Variants in ARHGAP26 observed in about 807,000 individuals in gnomAD.
The protein encoded by ARHGAP26 is rho GTPase-activating protein 26.
Under a neutral mutation model 104.8 loss-of-function variants are expected in ARHGAP26, and 38 were observed. The observed-to-expected ratio is 0.36, with a 90% CI of 0.28 to 0.48. The LOEUF is 0.48. Among genes scored for constraint, ARHGAP26 ranks in the 20% least tolerant of loss-of-function variants. The probability of loss-of-function intolerance (pLI) is 0.99; values close to 1 mark genes in which losing one functional copy is unlikely to be tolerated. For missense variants in ARHGAP26, 704 were observed against 947.9 expected, an observed-to-expected ratio of 0.74 and a Z score of 3.38; for synonymous variants, 341 against 340.0, an observed-to-expected ratio of 1.00 and a Z score of -0.03.
intron 11 of ARHGAP26, among the ~76,000 whole-genome samples, chr5:142,991,767 T>C (rs1775650964): frequency 6.6e-6 from 1 of 152,236 alleles, no homozygotes; most frequent in Admixed American, 6.5e-5. Flanking sequence ...AGTTGTGTAG[T>C]AGGCTATACC....
chr5:143,170,101 A>G (rs1425966558), intron 20 of ARHGAP26: 2 of 152,208 alleles, frequency 1.3e-5, no homozygotes, highest in African/African-American at 4.8e-5. Flanking sequence ...ATTACAGGTT[A>G]TTAGAGAACA....
chr5:142,958,387 C>T (rs1769600682), intron 11 of ARHGAP26, among the ~76,000 whole-genome samples: 1 of 152,190 alleles, frequency 6.6e-6, no homozygotes, highest in Non-Finnish European at 1.5e-5. Flanking sequence ...CAGATTCTGG[C>T]CAGGCATAGT....
chr5:143,013,967 C>A, intron 11 of ARHGAP26, 113 bp from the exon 12 acceptor site: 1 of 999,160 alleles, frequency 1.0e-6, no homozygotes, highest in Non-Finnish European at 1.5e-6. Flanking sequence ...CCAGAAATTA[C>A]CTTCCACTTC....
At chr5:142,888,103 G>GT (rs1469682645) in intron 5 of ARHGAP26, among the ~76,000 whole-genome samples, 1 of 152,194 alleles carries the variant, frequency 6.6e-6, no homozygotes, top group Non-Finnish European at 1.5e-5. Flanking sequence ...CCTGGGTATG[G>GT]TGTTAAGCAC....
chr5:142,983,573 A>G lies in ARHGAP26; in HGVS notation c.1108-30507A>G, dbSNP rs188465116. 3.4e-4 allele frequency among the ~76,000 whole-genome samples: 52 copies of G among 152,350 alleles called. No individual in the cohort carries two copies. In the East Asian group the frequency reaches 9.4e-3, roughly 28 times the overall value. Reference sequence around the variant, plus strand: ...GGAAAAATCCCAAAGTCTATAGAACATAGATATAAAGGTACAGAAAAGAGA... The same window carrying G: ...GGAAAAATCCCAAAGTCTATAGAACGTAGATATAAAGGTACAGAAAAGAGA... On this transcript the variant is annotated intron_variant, in intron 11 of 22. Transcript: ENST00000645722.
intron 1 of ARHGAP26, among the ~76,000 whole-genome samples, chr5:142,864,527 C>A (rs979277653): frequency 1.3e-5 from 2 of 152,022 alleles, no homozygotes; most frequent in African/African-American, 4.8e-5. Context: ...TGAAGAAAAC[C>A]CTTAGGAACT....
intron 17 of ARHGAP26, among the ~76,000 whole-genome samples, chr5:143,107,115 A>G (rs1314492767): frequency 6.6e-6 from 1 of 152,174 alleles, no homozygotes; most frequent in Non-Finnish European, 1.5e-5. Flanking sequence ...TCTTTATCCC[A>G]GTGCCCAGAA....
intron 17 of ARHGAP26, among the ~76,000 whole-genome samples, chr5:143,117,724 C>T (rs1361936674): frequency 6.6e-6 from 1 of 152,118 alleles, no homozygotes; most frequent in Non-Finnish European, 1.5e-5. Flanking sequence ...GCCTGCAAAT[C>T]AGAGTAATTA....
intron 20 of ARHGAP26, among the ~76,000 whole-genome samples, chr5:143,204,995 G>T (rs1045542832): frequency 6.6e-6 from 1 of 152,024 alleles, no homozygotes; most frequent in African/African-American, 2.4e-5. Flanking sequence ...CTAGGTCATT[G>T]TCTGGTGGGG....
At chr5:143,214,422 G>T (rs1471851954) in intron 22 of ARHGAP26, among the ~76,000 whole-genome samples, 1 of 152,126 alleles carries the variant, frequency 6.6e-6, no homozygotes, top group Non-Finnish European at 1.5e-5. Context: ...TGTTTAAAAT[G>T]GTACTCAACA....
chr5:142,933,574 C>T (rs1378317882), intron 11 of ARHGAP26, among the ~76,000 whole-genome samples: 1 of 152,162 alleles, frequency 6.6e-6, no homozygotes, highest in Non-Finnish European at 1.5e-5. Flanking sequence ...TTCTGCTATC[C>T]TCAGCCCATG....
intron 17 of ARHGAP26, among the ~76,000 whole-genome samples, chr5:143,090,459 G>A (rs1048023138): frequency 2.0e-5 from 3 of 151,466 alleles, no homozygotes; most frequent in African/African-American, 4.9e-5. Context: ...TATCTCAGTC[G>A]TGTCATTAGA....
At chr5:143,197,600 G>A (rs1807067807) in intron 20 of ARHGAP26, among the ~76,000 whole-genome samples, 1 of 152,078 alleles carries the variant, frequency 6.6e-6, no homozygotes, top group African/African-American at 2.4e-5. Context: ...TACATAGTCT[G>A]GTTATAAACC....
At chr5:143,024,491 A>G (rs1231675341) in intron 12 of ARHGAP26, among the ~76,000 whole-genome samples, 2 of 152,112 alleles carry the variant, frequency 1.3e-5, no homozygotes. Context: ...AGAGACAGTG[A>G]GCAGGTCCCT....
intron 18 of ARHGAP26, among the ~76,000 whole-genome samples, chr5:143,133,354 GGT>G (rs908202587): frequency 6.6e-6 from 1 of 151,838 alleles, no homozygotes; most frequent in East Asian, 1.9e-4. Context: ...TACGTGTGTG[GGT>G]GTGTGTGTGT....
chr5:142,888,399 A>C (rs1028983992), intron 5 of ARHGAP26, among the ~76,000 whole-genome samples: 2 of 152,196 alleles, frequency 1.3e-5, no homozygotes, highest in Non-Finnish European at 2.9e-5. Flanking sequence ...ATCCATTTCA[A>C]CTTTCTTGAA....
At chr5:142,808,990 T>A (rs1027441384) in intron 1 of ARHGAP26, among the ~76,000 whole-genome samples, 1 of 152,224 alleles carries the variant, frequency 6.6e-6, no homozygotes, top group Admixed American at 6.5e-5. Context: ...TGGCTGCCCC[T>A]TTTTATAAGA....
chr5:142,794,460 C>T (rs942340184), intron 1 of ARHGAP26, among the ~76,000 whole-genome samples: 2 of 152,194 alleles, frequency 1.3e-5, no homozygotes, highest in Non-Finnish European at 2.9e-5. Flanking sequence ...AGAGAAAGGG[C>T]CCTGCCTTCC....
Position 142,871,347 on chromosome 5 carries a change from C to T in ARHGAP26, c.155-2053C>T, listed in dbSNP as rs1476561910. Among the ~76,000 whole-genome samples, 2 of 152,224 alleles carry T rather than the reference C, an allele frequency of 1.3e-5. No homozygotes were observed. Among genetic ancestry groups the T allele is most frequent in the African/African-American group, 2.4e-5 (1 of 41,452 alleles). The stretch of plus-strand genomic sequence containing the variant: ...CTCCTGGCAGCTGCCCTTGGCAGTG[C>T]GGCTTTTCAGGTGTGTGCTGGGAGC... On this transcript the variant is annotated intron_variant, in intron 1 of 22. Transcript: ENST00000645722. The surrounding 1 kb of genome is among the most constrained non-coding windows in gnomAD (Gnocchi z 4.1).
Sources: allele counts gnomAD v4.1 joint callset (sites outside exome capture counted in the v4.1 genomes callset), GRCh38; gene constraint gnomAD v4.1.1; non-coding constraint Gnocchi (gnomAD v3.1); transcripts MANE v1.5; gene names NCBI Gene and HGNC (gene_info 2026-07-23, HGNC 2026-07-21).